Variants in TFDP2 observed in about 807,000 individuals in gnomAD.
The protein encoded by TFDP2 is transcription factor Dp-2, also known as transcription factor Dp-2 (E2F dimerization partner 2).
A neutral mutation model predicts 59.3 loss-of-function variants in TFDP2; 17 were observed. The ratio of observed to expected loss-of-function variants is 0.29; its 90% confidence interval spans 0.20 to 0.43. TFDP2 has a LOEUF of 0.43. Among genes scored for constraint, TFDP2 ranks in the 20% least tolerant of loss-of-function variants. The pLI is 1.00. For synonymous variants in TFDP2, 180 were observed against 194.7 expected, an observed-to-expected ratio of 0.92 and a Z score of 0.63; for missense variants, 391 against 528.8, an observed-to-expected ratio of 0.74 and a Z score of 2.56.
chr3:142,093,672 C>T (rs2061071307), intron 2 of TFDP2, among the ~76,000 whole-genome samples: 1 of 152,160 alleles, frequency 6.6e-6, no homozygotes, highest in Non-Finnish European at 1.5e-5. Flanking sequence ...ATCTAAAATG[C>T]TTTCAATACT....
intron 10 of TFDP2, among the ~76,000 whole-genome samples, chr3:141,961,844 A>G (rs1937400485): frequency 6.6e-6 from 1 of 152,194 alleles, no homozygotes; most frequent in African/African-American, 2.4e-5. Context: ...AGGCTGAGGC[A>G]GGGGGACCGC....
At chr3:141,980,577 C>T (rs867534914) in intron 6 of TFDP2, among the ~76,000 whole-genome samples, 2 of 152,096 alleles carry the variant, frequency 1.3e-5, no homozygotes, top group South Asian at 2.1e-4. Flanking sequence ...GAGTCTCACT[C>T]TATCCCCTAG....
At chr3:142,146,758 G>A (rs1371148597) in intron 1 of TFDP2, among the ~76,000 whole-genome samples, 2 of 152,174 alleles carry the variant, frequency 1.3e-5, no homozygotes, top group Non-Finnish European at 2.9e-5. Context: ...TGAGTTCTGT[G>A]AGGAGATGTG....
chr3:141,977,047 T>C lies in TFDP2; in HGVS notation c.519+1473A>G, dbSNP rs185518067. ...CTAAAGAATAATATATCAGAATCAA[T>C]AGGATAGGGCTAAATCAGTGCTCTA... On this transcript the variant is annotated intron_variant, in intron 7 of 12. Transcript: ENST00000489671. 7.5e-4 allele frequency among the ~76,000 whole-genome samples: 109 copies of C among 145,432 alleles called. 1 individual carries two copies. The highest frequency in any genetic ancestry group is 2.7e-3 in the African/African-American group (105 of 39,132).
intron 1 of TFDP2, among the ~76,000 whole-genome samples, chr3:142,109,333 ATTTTTTT>A (rs11378143): frequency 6.9e-6 from 1 of 144,964 alleles, no homozygotes; most frequent in Non-Finnish European, 1.5e-5. Flanking sequence ...AGTAAGCTAC[ATTTTTTT>A]TTTTTTTTGA....
At chr3:142,002,008 T>TTTTTTTTTG (rs1943820633) in intron 4 of TFDP2, among the ~76,000 whole-genome samples, 1 of 149,636 alleles carries the variant, frequency 6.7e-6, no homozygotes, top group African/African-American at 2.5e-5. Context: ...TTTTTTTTTT[T>TTTTTTTTTG]GTCTGAGACA....
chr3:142,061,919 C>CT (rs2059928509), intron 3 of TFDP2, among the ~76,000 whole-genome samples: 1 of 150,672 alleles, frequency 6.6e-6, no homozygotes, highest in Non-Finnish European at 1.5e-5. Flanking sequence ...CACACACACA[C>CT]ACACACACAC....
chr3:142,020,507 C>T (rs1016638571), intron 3 of TFDP2, among the ~76,000 whole-genome samples: 4 of 150,008 alleles, frequency 2.7e-5, no homozygotes, highest in African/African-American at 9.8e-5. Context: ...TGCACTCCAG[C>T]CTGGGCAACA....
chr3:142,088,210 G>A (rs1283173795), intron 3 of TFDP2, among the ~76,000 whole-genome samples: 1 of 152,084 alleles, frequency 6.6e-6, no homozygotes, highest in Non-Finnish European at 1.5e-5. Context: ...TACCTCTCAG[G>A]TCTCATTTCT....
At chr3:142,020,818 T>C (rs1475837002) in intron 3 of TFDP2, among the ~76,000 whole-genome samples, 1 of 151,602 alleles carries the variant, frequency 6.6e-6, no homozygotes, top group Non-Finnish European at 1.5e-5. Flanking sequence ...GCCTCATCTC[T>C]ACAAAAAAAT....
chr3:141,961,234 G>GTT (rs1937305219), intron 10 of TFDP2, among the ~76,000 whole-genome samples: 10 of 122,016 alleles, frequency 8.2e-5, no homozygotes, highest in East Asian at 4.8e-4. Context: ...TCAGTTTTTT[G>GTT]TTGTTTTTTT....
intron 3 of TFDP2, among the ~76,000 whole-genome samples, chr3:142,089,259 A>T (rs532811819): frequency 5.9e-5 from 9 of 152,140 alleles, no homozygotes; most frequent in African/African-American, 1.9e-4. Flanking sequence ...AAAGAACCCA[A>T]TGGAAATTCT....
At chr3:141,968,330 T>TCTC in intron 9 of TFDP2, among the ~76,000 whole-genome samples, 1 of 107,344 alleles carries the variant, frequency 9.3e-6, no homozygotes, top group African/African-American at 4.1e-5. Context: ...TAACATATAA[T>TCTC]ATATATAATA....
rs146837805 is a variant in TFDP2, at chr3:142,032,386, C to T, written c.83-26842G>A. ...CTGGGATTACGAGTGTGAGCTACTA[C>T]GCTTAGCTCGACTCTTTCAATATGC... On this transcript the variant is annotated intron_variant, in intron 3 of 12. Coordinates refer to ENST00000489671, the MANE Select transcript of TFDP2 (RefSeq NM_001178139.2). Among the ~76,000 whole-genome samples, 287 of 152,200 alleles carry T rather than the reference C, an allele frequency of 1.9e-3. 1 individual carries two copies. The highest frequency in any genetic ancestry group is 6.4e-3 in the African/African-American group (266 of 41,534).
intron 9 of TFDP2, among the ~76,000 whole-genome samples, chr3:141,965,403 GGGAAGTTCTCTTGAGCCTA>G (rs1342430306): frequency 1.3e-5 from 2 of 151,550 alleles, no homozygotes; most frequent in African/African-American, 4.9e-5. Context: ...AGGCCGAAGT[GGGAAGTTCTCTTGAGCCTA>G]GGAGTTGGAG....
At chr3:142,086,223 T>G (rs952597305) in intron 3 of TFDP2, among the ~76,000 whole-genome samples, 2 of 152,204 alleles carry the variant, frequency 1.3e-5, no homozygotes. Context: ...TGTACACCAT[T>G]TAACACAAAA....
intron 3 of TFDP2, among the ~76,000 whole-genome samples, chr3:142,064,255 T>G (rs1318392879): frequency 6.6e-6 from 1 of 152,134 alleles, no homozygotes; most frequent in Non-Finnish European, 1.5e-5. Flanking sequence ...GTGCTTAAAG[T>G]ATGGTCCAGT....
At position 141,977,093 on chromosome 3, in the gene TFDP2, T is replaced by G. The variant is rs188050130; in HGVS notation, c.519+1427A>C. On this transcript the variant is annotated intron_variant, in intron 7 of 12. Coordinates refer to ENST00000489671, the MANE Select transcript of TFDP2 (RefSeq NM_001178139.2). Reference sequence around the variant, plus strand: ...CTCTAGAGAAACAGTCATAGCCATATATATATATATATATTTTTTTTTTTT... The same window carrying G: ...CTCTAGAGAAACAGTCATAGCCATAGATATATATATATATTTTTTTTTTTT... 1.0e-3 allele frequency among the ~76,000 whole-genome samples: 100 copies of G among 99,702 alleles called. 4 individuals are homozygous for G. The highest frequency in any genetic ancestry group is 1.5e-3 in the Admixed American group (15 of 9,986). 65.4% of individuals were successfully genotyped at this position (99,702 alleles called of 152,430 possible). A position where few individuals can be genotyped will look rare whatever the true frequency, so the allele number is the denominator to read the frequency against.
At chr3:141,996,467 A>G (rs951998485) in intron 4 of TFDP2, among the ~76,000 whole-genome samples, 3 of 152,212 alleles carry the variant, frequency 2.0e-5, no homozygotes, top group African/African-American at 7.2e-5. Flanking sequence ...GTAATTGTTA[A>G]TAAGTCCTCA....
Sources: gnomAD v4.1 joint callset for allele counts (sites outside exome capture counted in the v4.1 genomes callset) on GRCh38, gnomAD v4.1.1 for gene constraint, MANE v1.5 for transcripts, NCBI Gene and HGNC (gene_info 2026-07-23, HGNC 2026-07-21) for gene names.